Variants in ZSWIM5 observed in about 807,000 individuals in gnomAD.
The protein encoded by ZSWIM5 is zinc finger SWIM domain-containing protein 5.
ZSWIM5 carries 55 observed loss-of-function variants against 119.6 expected under a neutral mutation model. The ratio of observed to expected loss-of-function variants is 0.46; its 90% CI spans 0.37 to 0.58. The LOEUF (loss-of-function observed/expected upper bound fraction) is 0.58, where lower values mean the gene tolerates loss of function less well. Among genes scored for constraint, ZSWIM5 ranks in the 20% least tolerant of loss-of-function variants. The pLI is 0.00. For synonymous variants in ZSWIM5, 537 were observed against 606.9 expected (o/e 0.88, Z 1.69); for missense variants, 1,193 against 1,512.8 (o/e 0.79, Z 3.51).
At chr1:45,127,605 A>C (rs578065553) in intron 1 of ZSWIM5, among the ~76,000 whole-genome samples, 161 of 152,086 alleles carry the variant, frequency 1.1e-3, no homozygotes, top group Non-Finnish European at 1.8e-3. Context: ...TAATTTAAAA[A>C]AAAAAATTTT....
In ZSWIM5 at chr1:45,044,202, A is replaced by AAAGAGAG. The variant is rs111810805; in HGVS notation, c.1433-808_1433-807insCTCTCTT. On this transcript the variant is annotated intron_variant, in intron 5 of 13. Transcript: ENST00000359600. ...AAAATCCCATCTCAAAAAAAAAAAAAAGAGAGAGAGAGAAAGAGCTGAAGC... is the reference window on the plus strand; with the variant it reads ...AAAATCCCATCTCAAAAAAAAAAAAAAAGAGAGAGAGAGAGAGAGAAAGAGCTGAAGC... Among the ~76,000 whole-genome samples the AAAGAGAG allele has an allele frequency of 8.7e-3, 1,256 of 144,088 alleles. 24 individuals carry two copies. The highest frequency in any genetic ancestry group is 0.031 in the African/African-American group (1,198 of 39,076). 94.5% of individuals were successfully genotyped at this position (144,088 alleles called of 152,430 possible). A position where few individuals can be genotyped will look rare whatever the true frequency, so the allele number is the denominator to read the frequency against.
intron 1 of ZSWIM5, among the ~76,000 whole-genome samples, chr1:45,162,481 T>C (rs1188172384): frequency 6.6e-6 from 1 of 152,228 alleles, no homozygotes; most frequent in Non-Finnish European, 1.5e-5. Context: ...TGTCAGACAG[T>C]GGGTGCAGCC....
intron 1 of ZSWIM5, among the ~76,000 whole-genome samples, chr1:45,183,865 T>C (rs967341683): frequency 8.6e-5 from 13 of 151,950 alleles, no homozygotes; most frequent in East Asian, 1.9e-4. Flanking sequence ...TTCCAATCAA[T>C]AGAAAAAGAG....
chr1:45,189,184 G>A (rs1646076534), intron 1 of ZSWIM5, among the ~76,000 whole-genome samples: 1 of 152,072 alleles, frequency 6.6e-6, no homozygotes, highest in Non-Finnish European at 1.5e-5. Context: ...GGATGGTAGT[G>A]CACACCTACA....
At chr1:45,065,497 A>C (rs1645177674) in intron 2 of ZSWIM5, among the ~76,000 whole-genome samples, 1 of 152,204 alleles carries the variant, frequency 6.6e-6, no homozygotes. Flanking sequence ...TGTGGAAGAA[A>C]TAAGGCACAG....
At chr1:45,127,273 T>C (rs1183365619) in intron 1 of ZSWIM5, among the ~76,000 whole-genome samples, 2 of 152,134 alleles carry the variant, frequency 1.3e-5, no homozygotes, top group Non-Finnish European at 2.9e-5. Context: ...CCAATAATCA[T>C]ATAATCATAT....
chr1:45,093,866 C>T lies in ZSWIM5; in HGVS notation c.596-5629G>A, dbSNP rs756896989. ...AGCTTGTTTTTTTTTTTTTTTGAGA[C>T]AGGGTCTTGCTCCGTTACCCAGGCT... On this transcript the variant is annotated intron_variant, in intron 1 of 13. Coordinates refer to ENST00000359600, the MANE Select transcript of ZSWIM5 (RefSeq NM_020883.2). Among the ~76,000 whole-genome samples the T allele has an allele frequency of 7.0e-4, 93 of 133,546 alleles. 1 individual carries two copies. The highest frequency in any genetic ancestry group is 7.4e-4 in the Non-Finnish European group (47 of 63,864). The allele number at this position is 133,546 out of a possible 152,430, so 87.6% of individuals were successfully genotyped here. A position where few individuals can be genotyped will look rare whatever the true frequency, so the allele number is the denominator to read the frequency against.
chr1:45,185,250 C>A (rs1339279829), intron 1 of ZSWIM5, among the ~76,000 whole-genome samples: 1 of 150,662 alleles, frequency 6.6e-6, no homozygotes, highest in Non-Finnish European at 1.5e-5. Context: ...AAAATTAATT[C>A]AAGATGGATT....
Position 45,194,351 on chromosome 1 carries a change from T to C in ZSWIM5, c.595+11405A>G, listed in dbSNP as rs111660267. Among the ~76,000 whole-genome samples the C allele has an allele frequency of 9.6e-3, 1,456 of 152,302 alleles. 28 individuals carry two copies. The highest frequency in any genetic ancestry group is 0.034 in the African/African-American group (1,397 of 41,560). On this transcript the variant is annotated intron_variant, in intron 1 of 13. Transcript: ENST00000359600. ...TATTTTCCTGATTAGTTCCATTGTA[T>C]GTTTATACCTAAAAGAAGCAACAAT...
rs1644861421 is a variant in ZSWIM5, at chr1:45,017,499, C to T, written c.*955G>A. On this transcript the variant is annotated 3_prime_UTR_variant, in exon 14 of 14. Transcript: ENST00000359600. ...CAGGTACACAGCCATAGAACTGACA[C>T]ATACACATAAATATATATGTGCACA... is the stretch of plus-strand genomic sequence containing the variant. The T allele has an allele frequency of 6.6e-6, 1 of 152,220 alleles. No homozygotes were observed. Among genetic ancestry groups the T allele is most frequent in the African/African-American group, 2.4e-5 (1 of 41,464 alleles). 9.4% of individuals were successfully genotyped at this position (152,220 alleles called of 1,614,324 possible). A position where few individuals can be genotyped will look rare whatever the true frequency, so the allele number is the denominator to read the frequency against.
intron 1 of ZSWIM5, among the ~76,000 whole-genome samples, chr1:45,097,894 T>C (rs1031097842): frequency 1.4e-5 from 2 of 146,024 alleles, no homozygotes; most frequent in Middle Eastern, 3.2e-3. Context: ...TTAAGTACTA[T>C]AAAGAAGTAG....
intron 5 of ZSWIM5, 116 bp from the exon 6 acceptor site, chr1:45,043,511 G>A (rs1645029463): frequency 9.9e-7 from 1 of 1,006,992 alleles, no homozygotes; most frequent in Admixed American, 2.2e-5. Context: ...GAATAACTCT[G>A]GCAGCAGTAT....
Position 45,117,257 on chromosome 1 carries a change from T to C in ZSWIM5, c.596-29020A>G, listed in dbSNP as rs78452977. Among the ~76,000 whole-genome samples the C allele has an allele frequency of 1.2e-4, 19 of 152,330 alleles. No individual in the cohort carries two copies. The East Asian group carries it at 3.7e-3, about 29-fold the overall frequency. The stretch of plus-strand genomic sequence containing the variant: ...ATGTAGCAAGAGTGTTTGTATCCAG[T>C]CACTGGTTGAGAAACTCCTTCAACT... On this transcript the variant is annotated intron_variant, in intron 1 of 13. Transcript: ENST00000359600.
chr1:45,150,090 A>G (rs901121481), intron 1 of ZSWIM5, among the ~76,000 whole-genome samples: 5 of 149,732 alleles, frequency 3.3e-5, no homozygotes, highest in Non-Finnish European at 7.4e-5. Flanking sequence ...GGACTGTTTG[A>G]GCCCAGGAGT....
Position 45,051,125 on chromosome 1 carries a change from C to G in ZSWIM5, c.1381G>C (p.Glu461Gln). Residue 461 changes from glutamate (E) to glutamine (Q), a missense_variant, in exon 5 of 14, where the codon GAG (glutamate) becomes CAG (glutamine). Glu to Gln is a conservative substitution (Grantham distance 29). This residue lies in a region of ZSWIM5 where 961 missense variants were observed against 1,290.0 expected (regional missense o/e 0.74). Transcript: ENST00000359600. Reference sequence around the variant, plus strand: ...AGTGCATTGGTGATGTTGGGCAGCTCATGTCCATAGTTTCCATCCTCCAGG... The same window carrying G: ...AGTGCATTGGTGATGTTGGGCAGCTGATGTCCATAGTTTCCATCCTCCAGG... ...CPLEDGNYGH[E>Q]LPNITNALPQ... The G allele has an allele frequency of 6.2e-7, 1 of 1,614,174 alleles. No individual in the cohort carries two copies. The highest frequency in any genetic ancestry group is 8.5e-7 in the Non-Finnish European group (1 of 1,180,032).
At chr1:45,126,391 A>G (rs1645622326) in intron 1 of ZSWIM5, among the ~76,000 whole-genome samples, 1 of 152,198 alleles carries the variant, frequency 6.6e-6, no homozygotes, top group South Asian at 2.1e-4. Flanking sequence ...ATAAGTAAAT[A>G]CTATGAACAA....
intron 5 of ZSWIM5, among the ~76,000 whole-genome samples, chr1:45,044,930 G>A (rs949981493): frequency 2.1e-4 from 29 of 139,728 alleles, no homozygotes; most frequent in Middle Eastern, 3.5e-3. Flanking sequence ...GAGCCCAGGA[G>A]GTTGAGGCCA....
chr1:45,180,452 C>A (rs1017850223), intron 1 of ZSWIM5, among the ~76,000 whole-genome samples: 1 of 152,146 alleles, frequency 6.6e-6, no homozygotes, highest in African/African-American at 2.4e-5. Context: ...GTGGAGCCCA[C>A]CACAGCTCAA....
chr1:45,018,214 G>A lies in ZSWIM5; in HGVS notation c.*240C>T, dbSNP rs1440546916. On this transcript the variant is annotated 3_prime_UTR_variant, in exon 14 of 14. Coordinates refer to ENST00000359600, the MANE Select transcript of ZSWIM5 (RefSeq NM_020883.2). The surrounding 1 kb of genome is among the most constrained non-coding windows in gnomAD (Gnocchi z 6.7). Reference sequence around the variant, plus strand: ...AGGGGCATGAGGTGGCATGTTGTGGGGTTTCTGGTCGATCTGCAGGGCCCA... The same window carrying A: ...AGGGGCATGAGGTGGCATGTTGTGGAGTTTCTGGTCGATCTGCAGGGCCCA... 4 of 570,556 alleles carry A rather than the reference G, an allele frequency of 7.0e-6. No individual in the cohort carries two copies. In the African/African-American group the frequency reaches 7.5e-5, roughly 11 times the overall value. 35.3% of individuals were successfully genotyped at this position (570,556 alleles called of 1,614,324 possible). A position where few individuals can be genotyped will look rare whatever the true frequency, so the allele number is the denominator to read the frequency against.
Sources: gnomAD v4.1 joint callset for allele counts (sites outside exome capture counted in the v4.1 genomes callset) on GRCh38, gnomAD v4.1.1 for gene constraint, gnomAD v4.1.1 regional missense constraint, Gnocchi (gnomAD v3.1) non-coding constraint, MANE v1.5 for transcripts, NCBI Gene and HGNC (gene_info 2026-07-23, HGNC 2026-07-21) for gene names.